Variants in SESTD1 observed in about 807,000 individuals in gnomAD.
SESTD1 encodes SEC14 domain and spectrin repeat-containing protein 1.
A neutral mutation model predicts 101.7 loss-of-function variants in SESTD1; 43 were observed. The observed-to-expected ratio is 0.42, with a 90% confidence interval of 0.33 to 0.55. The LOEUF is 0.55. Ranked by LOEUF, SESTD1 falls within the 20% of genes least tolerant of loss-of-function variation. The probability of loss-of-function intolerance (pLI) is 0.07; values close to 1 mark genes in which losing one functional copy is unlikely to be tolerated. For synonymous variants in SESTD1, 283 were observed against 286.8 expected (o/e 0.99, Z 0.13); for missense variants, 647 against 815.1 (o/e 0.79, Z 2.51).
At chr2:179,158,555 CTTTT>C (rs1475749185) in intron 5 of SESTD1, among the ~76,000 whole-genome samples, 1 of 152,138 alleles carries the variant, frequency 6.6e-6, no homozygotes, top group South Asian at 2.1e-4. Flanking sequence ...GATTCACCTT[CTTTT>C]ATGACATAAC....
At chr2:179,200,337 C>T (rs982447530) in intron 1 of SESTD1, among the ~76,000 whole-genome samples, 1 of 151,980 alleles carries the variant, frequency 6.6e-6, no homozygotes, top group Non-Finnish European at 1.5e-5. Flanking sequence ...GTGAAAATGG[C>T]CATACTGCCC....
intron 5 of SESTD1, 30 bp from the exon 6 acceptor site, chr2:179,151,421 T>C (rs1366709617): frequency 4.6e-6 from 7 of 1,513,140 alleles, no homozygotes; most frequent in Middle Eastern, 1.7e-4. Flanking sequence ...AAAGAAACAT[T>C]TAGTAACCCA....
rs73973223 is a variant in SESTD1, at chr2:179,231,542, A to C, written c.-26+32957T>G. On this transcript the variant is annotated intron_variant, in intron 1 of 17. Transcript: ENST00000428443. ...AAAAAAAAGAAATTTAAAGATGAAA[A>C]GGCAAAGAAAGCACATCATAGAGAA... Among the ~76,000 whole-genome samples, 543 of 151,888 alleles carry C rather than the reference A, an allele frequency of 3.6e-3. 5 individuals carry two copies. Among genetic ancestry groups the C allele is most frequent in the African/African-American group, 0.013 (520 of 41,534 alleles).
At chr2:179,258,557 A>G (rs1351423848) in intron 1 of SESTD1, among the ~76,000 whole-genome samples, 1 of 152,256 alleles carries the variant, frequency 6.6e-6, no homozygotes, top group Non-Finnish European at 1.5e-5. Context: ...TGATTCTGCA[A>G]ATCTACTAGA....
intron 15 of SESTD1, chr2:179,116,458 C>G (rs2044635386): frequency 1.5e-6 from 1 of 648,362 alleles, no homozygotes; most frequent in Admixed American, 2.5e-5. Context: ...TCAGAGGGAC[C>G]ATGCAGAACA....
chr2:179,132,137 C>G (rs2045027423), intron 10 of SESTD1, 167 bp downstream of exon 10: 4 of 670,124 alleles, frequency 6.0e-6, no homozygotes, highest in Non-Finnish European at 8.9e-6. Context: ...TTCTAATTAA[C>G]ATGTACTAAG....
chr2:179,224,146 C>T (rs2046850648), intron 1 of SESTD1, among the ~76,000 whole-genome samples: 1 of 152,112 alleles, frequency 6.6e-6, no homozygotes, highest in Non-Finnish European at 1.5e-5. Context: ...AATGGGATCT[C>T]AAATTAATTA....
At position 179,205,967 on chromosome 2, in the gene SESTD1, GCA is replaced by G. The variant is rs1285648479; in HGVS notation, c.-25-14103_-25-14102del. ...TTTGCTCCAGTTTTTCAAGTGTTTA[GCA>G]CAGTCATTAAAAAAAACAAAAATCT... On this transcript the variant is annotated intron_variant, in intron 1 of 17. Transcript: ENST00000428443. 1.5e-5 allele frequency among the ~76,000 whole-genome samples: 2 copies of G among 133,696 alleles called. 1 individual carries two copies. Among genetic ancestry groups the G allele is most frequent in the Non-Finnish European group, 3.2e-5 (2 of 62,546 alleles). 87.7% of individuals were successfully genotyped at this position (133,696 alleles called of 152,430 possible).
intron 1 of SESTD1, among the ~76,000 whole-genome samples, chr2:179,260,838 A>C (rs1187955134): frequency 2.0e-5 from 3 of 152,214 alleles, no homozygotes; most frequent in Non-Finnish European, 4.4e-5. Flanking sequence ...TATGAAAAGA[A>C]ACATGTCTGT....
intron 1 of SESTD1, among the ~76,000 whole-genome samples, chr2:179,253,641 C>T (rs2047350449): frequency 6.6e-6 from 1 of 152,056 alleles, no homozygotes; most frequent in African/African-American, 2.4e-5. Context: ...GGAATAGGTA[C>T]TGAAGTATCG....
At chr2:179,229,750 T>TG (rs1491204823) in intron 1 of SESTD1, among the ~76,000 whole-genome samples, 2 of 44,398 alleles carry the variant, frequency 4.5e-5, no homozygotes, top group African/African-American at 7.0e-4. Context: ...TGTAAGAACT[T>TG]ATATATATAT....
chr2:179,220,837 G>C (rs7598744), intron 1 of SESTD1, among the ~76,000 whole-genome samples: 352 of 152,224 alleles, frequency 2.3e-3, no homozygotes, highest in African/African-American at 8.1e-3. Flanking sequence ...CTAGAAAGAA[G>C]TGTTCTTCCT....
chr2:179,137,062 C>T (rs2045162562), intron 9 of SESTD1, among the ~76,000 whole-genome samples: 1 of 152,060 alleles, frequency 6.6e-6, no homozygotes, highest in African/African-American at 2.4e-5. Flanking sequence ...GGCAGTTTGC[C>T]AAACTAGGTT....
At chr2:179,113,688 G>A (rs1271004385) in intron 16 of SESTD1, among the ~76,000 whole-genome samples, 1 of 152,012 alleles carries the variant, frequency 6.6e-6, no homozygotes, top group Admixed American at 6.5e-5. Context: ...GCTTATAGTT[G>A]TGGTTATTTA....
chr2:179,109,848 T>C lies in SESTD1; in HGVS notation c.*51A>G, dbSNP rs775485441. The C allele has an allele frequency of 1.9e-5, 31 of 1,603,046 alleles. No homozygotes were observed. The highest frequency in any genetic ancestry group is 1.8e-4 in the East Asian group (8 of 44,778). The stretch of plus-strand genomic sequence containing the variant: ...GTGTGGTGGCTAATGCTGTAGTATG[T>C]TGACAACATGCGGGATTATGAACTG... On this transcript the variant is annotated 3_prime_UTR_variant, in exon 18 of 18. Transcript: ENST00000428443.
intron 7 of SESTD1, among the ~76,000 whole-genome samples, 196 bp from the exon 8 acceptor site, chr2:179,146,653 C>A (rs2045402461): frequency 6.6e-6 from 1 of 152,056 alleles, no homozygotes; most frequent in African/African-American, 2.4e-5. Context: ...CAGAGAAATA[C>A]CAACGTAATA....
chr2:179,111,780 C>T (rs1219334522), intron 17 of SESTD1, among the ~76,000 whole-genome samples: 3 of 146,458 alleles, frequency 2.0e-5, no homozygotes, highest in South Asian at 4.3e-4. Context: ...AGCGCAGTGG[C>T]GTGATCTCGG....
At chr2:179,170,064 T>C (rs1183846094) in intron 5 of SESTD1, among the ~76,000 whole-genome samples, 1 of 151,770 alleles carries the variant, frequency 6.6e-6, no homozygotes, top group Non-Finnish European at 1.5e-5. Flanking sequence ...CAGATCTAAA[T>C]TTAATGACTA....
intron 16 of SESTD1, 34 bp from the exon 17 acceptor site, chr2:179,112,879 G>C: frequency 1.9e-6 from 3 of 1,584,424 alleles, no homozygotes; most frequent in Non-Finnish European, 1.7e-6. Context: ...TCAATCAAGA[G>C]ACACAGACAG....
Sources: allele counts gnomAD v4.1 joint callset (sites outside exome capture counted in the v4.1 genomes callset), GRCh38; gene constraint gnomAD v4.1.1; transcripts MANE v1.5; gene names NCBI Gene and HGNC (gene_info 2026-07-23, HGNC 2026-07-21).